Variants in RALB observed in about 807,000 individuals in gnomAD.
RALB encodes ras-related protein Ral-B.
RALB carries 16 observed loss-of-function variants against 21.3 expected under a neutral mutation model. The ratio of observed to expected loss-of-function variants is 0.75; its 90% CI spans 0.51 to 1.14. The LOEUF (loss-of-function observed/expected upper bound fraction) is 1.14. Among genes scored for constraint, RALB ranks in the 50% most tolerant of loss-of-function variants. The pLI is 0.00. For synonymous variants in RALB, 93 were observed against 96.1 expected (o/e 0.97, Z 0.19); for missense variants, 161 against 256.2 (o/e 0.63, Z 2.54).
intron 1 of RALB, among the ~76,000 whole-genome samples, chr2:120,266,822 C>T (rs895613004): frequency 1.6e-4 from 25 of 152,312 alleles, no homozygotes; most frequent in African/African-American, 6.0e-4. Context: ...AAATATTGAG[C>T]GTCCACCAAG....
intron 1 of RALB, among the ~76,000 whole-genome samples, chr2:120,246,634 G>A (rs1688974856): frequency 6.6e-6 from 1 of 152,218 alleles, no homozygotes. Context: ...TGCAGATCAG[G>A]AGCACCCCTG....
In RALB at chr2:120,253,553, A is replaced by G. The variant is rs1027104288; in HGVS notation, c.-48+573A>G. The G allele has an allele frequency of 1.7e-5, 17 of 985,492 alleles. No homozygotes were observed. In the African/African-American group the frequency reaches 2.4e-4, roughly 14 times the overall value. 61.0% of individuals were successfully genotyped at this position (985,492 alleles called of 1,614,324 possible). On this transcript the variant is annotated intron_variant, in intron 1 of 4. Transcript: ENST00000272519. ...AGCGGCGAAGGGGCTTCTAAGGGGA[A>G]GCGCCTGGACTGGGCATCGCCGTCC...
intron 3 of RALB, 139 bp downstream of exon 3, chr2:120,286,221 A>C (rs906516129): frequency 7.4e-6 from 5 of 675,952 alleles, no homozygotes; most frequent in Non-Finnish European, 1.3e-5. Flanking sequence ...TGTCTAAAGA[A>C]TCTTCTGGGG....
At chr2:120,251,756 G>T (rs920247491), upstream of RALB, among the ~76,000 whole-genome samples, 7 of 152,200 alleles carry the variant, frequency 4.6e-5, no homozygotes, top group Non-Finnish European at 8.8e-5. Flanking sequence ...AATGAGAATG[G>T]TAAAAACAGA....
intron 1 of RALB, chr2:120,240,272 T>A (rs1688870987): frequency 1.8e-6 from 1 of 563,510 alleles, no homozygotes; most frequent in Non-Finnish European, 2.6e-6. Context: ...ATGGAGCTGC[T>A]ACTTTTTTAT....
chr2:120,291,444 A>T (rs1165920289), intron 4 of RALB, among the ~76,000 whole-genome samples: 2 of 152,168 alleles, frequency 1.3e-5, no homozygotes, highest in Admixed American at 1.3e-4. Context: ...TAAAAAAATC[A>T]GGGAGACTCT....
intron 2 of RALB, among the ~76,000 whole-genome samples, chr2:120,283,079 G>A (rs1296177639): frequency 6.6e-6 from 1 of 152,078 alleles, no homozygotes; most frequent in East Asian, 1.9e-4. Context: ...GACTCTTTCA[G>A]TGGTGCTCTT....
At chr2:120,262,893 T>C (rs1323427334) in intron 1 of RALB, among the ~76,000 whole-genome samples, 15 of 152,202 alleles carry the variant, frequency 9.9e-5, no homozygotes, top group African/African-American at 3.6e-4. Context: ...ATGCCTTTGG[T>C]ACGCGTTTTC....
In RALB at chr2:120,252,953, A is replaced by ACGGCGGAGG. The variant is rs1196718510; in HGVS notation, c.-68_-60dup. ...TTTAAGAGCTGCGGGCCGGGTGCGG[A>ACGGCGGAGG]CGGCGGAGGCGGCGGGACTGGTCCC... On this transcript the variant is annotated 5_prime_UTR_variant, in exon 1 of 5. Transcript: ENST00000272519. 2.9e-5 allele frequency: 29 copies of ACGGCGGAGG among 984,836 alleles called. No individual in the cohort carries two copies. Among genetic ancestry groups the ACGGCGGAGG allele is most frequent in the Admixed American group, 1.9e-4 (3 of 16,196 alleles). The allele number at this position is 984,836 out of a possible 1,614,324, so 61.0% of individuals were successfully genotyped here.
intron 1 of RALB, among the ~76,000 whole-genome samples, chr2:120,277,606 TTG>T (rs1411331122): frequency 4.0e-5 from 6 of 151,450 alleles, no homozygotes; most frequent in East Asian, 1.9e-4. Context: ...GGAGTGTGTG[TTG>T]TGAGAGCATG....
chr2:120,252,655 G>A, upstream of RALB: 1 of 407,012 alleles, frequency 2.5e-6, no homozygotes, highest in Non-Finnish European at 3.3e-6. Context: ...CGCTGGGCCC[G>A]CCCCCCCGTG....
At chr2:120,267,636 CAT>C (rs1487378901) in intron 1 of RALB, among the ~76,000 whole-genome samples, 3 of 152,130 alleles carry the variant, frequency 2.0e-5, no homozygotes, top group African/African-American at 7.2e-5. Context: ...CTGGCTTTCA[CAT>C]AGTGTATGTC....
intron 1 of RALB, among the ~76,000 whole-genome samples, chr2:120,268,136 C>T (rs1472406394): frequency 6.6e-6 from 1 of 152,184 alleles, no homozygotes; most frequent in African/African-American, 2.4e-5. Context: ...AGCATGTCTG[C>T]AGGCCACCAA....
intron 1 of RALB, among the ~76,000 whole-genome samples, chr2:120,273,763 T>G (rs1367551082): frequency 2.6e-5 from 4 of 152,336 alleles, no homozygotes; most frequent in Non-Finnish European, 4.4e-5. Flanking sequence ...AAAGGCAGTT[T>G]CACCCAAAGT....
intron 1 of RALB, among the ~76,000 whole-genome samples, chr2:120,271,964 G>A (rs1232075926): frequency 6.6e-6 from 1 of 152,206 alleles, no homozygotes; most frequent in East Asian, 1.9e-4. Context: ...GAGCTTTTGG[G>A]TGAGTAGATA....
intron 1 of RALB, among the ~76,000 whole-genome samples, chr2:120,269,866 A>G (rs1204203638): frequency 6.6e-6 from 1 of 152,200 alleles, no homozygotes; most frequent in Non-Finnish European, 1.5e-5. Context: ...CATTCATATA[A>G]TTCTTTTAGT....
At chr2:120,257,758 T>C (rs1689234923) in intron 1 of RALB, among the ~76,000 whole-genome samples, 1 of 152,230 alleles carries the variant, frequency 6.6e-6, no homozygotes. Context: ...GCTAGTATCT[T>C]TCTTTTCTTT....
rs192589366 is a variant in RALB, at chr2:120,260,198, C to T, written c.-48+7218C>T. ...CTTGGCCAGCCCAGAAAGGGGTTCC[C>T]GCAGTGCAGTGGGGGGACTGAAGGG... On this transcript the variant is annotated intron_variant, in intron 1 of 4. Transcript: ENST00000272519. Among the ~76,000 whole-genome samples, 417 of 152,358 alleles carry T rather than the reference C, an allele frequency of 2.7e-3. 2 individuals are homozygous for T. Among genetic ancestry groups the T allele is most frequent in the Middle Eastern group, 6.8e-3 (2 of 294 alleles).
chr2:120,248,091 CGAG>C (rs1418427659), upstream of RALB, among the ~76,000 whole-genome samples: 1 of 152,146 alleles, frequency 6.6e-6, no homozygotes, highest in African/African-American at 2.4e-5. Context: ...AGAGAAGGGC[CGAG>C]GGCAAGCTCC....
Sources: allele counts gnomAD v4.1 joint callset (sites outside exome capture counted in the v4.1 genomes callset), GRCh38; gene constraint gnomAD v4.1.1; transcripts MANE v1.5; gene names NCBI Gene and HGNC (gene_info 2026-07-23, HGNC 2026-07-21).